ADGRB2: variants seen among roughly 807,000 people sequenced by gnomAD.
ADGRB2 encodes the protein adhesion G protein-coupled receptor B2.
In ADGRB2, 47 loss-of-function variants were observed where a neutral mutation model predicts 178.7. The observed-to-expected ratio is 0.26, with a 90% CI of 0.21 to 0.34. The LOEUF is 0.34. ADGRB2 is among the 10% of genes least tolerant of loss of function. ADGRB2 has a pLI of 1.00. For missense variants in ADGRB2, 1,584 were observed against 2,180.8 expected (o/e 0.73, Z 5.45); for synonymous variants, 870 against 912.4 (o/e 0.95, Z 0.84).
Position 31,739,444 on chromosome 1 carries a change from T to C in ADGRB2, c.2359A>G (p.Arg787Gly). The C allele has an allele frequency of 1.9e-6, 3 of 1,593,674 alleles. No homozygotes were observed. Among genetic ancestry groups the C allele is most frequent in the Non-Finnish European group, 2.6e-6 (3 of 1,170,582 alleles). ...CCAGGAGGCACCGTTCCTGGGCCCCTCCCCCTGCCAGGGCTGCCTGCTGCC... is the reference window on the plus strand; with the variant it reads ...CCAGGAGGCACCGTTCCTGGGCCCCCCCCCCTGCCAGGGCTGCCTGCTGCC... ...SGAAGSPGRG[R>G]GPGTVPPGPG... is the part of the protein sequence containing the mutation. Residue 787 changes from arginine (R) to glycine (G), a missense_variant, in exon 15 of 33, where the codon AGG (arginine) becomes GGG (glycine). By Grantham distance (125) the Arg-to-Gly change is moderately radical. Transcript: ENST00000373658.
In ADGRB2 at chr1:31,756,889, C is replaced by T. The variant is rs1041929797; in HGVS notation, c.22-74G>A. 3 of 1,368,684 alleles carry T rather than the reference C, an allele frequency of 2.2e-6. No individual in the cohort carries two copies. The highest frequency in any genetic ancestry group is 2.5e-5 in the East Asian group (1 of 39,742). The allele number at this position is 1,368,684 out of a possible 1,614,324, so 84.8% of individuals were successfully genotyped here. On this transcript the variant is annotated intron_variant, in intron 3 of 32. Transcript: ENST00000373658. This position sits in a 1 kb window ranked among gnomAD's most constrained non-coding sequence, Gnocchi z 8.5. ...GCTCTGAACCTTCTATGGTGAGCTG[C>T]GGGAGTGGGCCTCATAAGTTAAGAC...
At position 31,756,534 on chromosome 1, in the gene ADGRB2, G is replaced by A; in HGVS notation, c.303C>T (p.Asp101=). ...GGCAGGTAAAGTTGACCAGGTAGTG[G>A]TCCAGGGGCAGCAGGCGGGGGGCAA... The part of the protein sequence containing the change: ...AHFAPRLLPL[D]HYLVNFTCLR... The change falls in exon 4 of 33, where the codon GAC becomes GAT. Residue 101 remains aspartate, a synonymous_variant. Coordinates refer to ENST00000373658, the MANE Select transcript of ADGRB2 (RefSeq NM_001364857.2). This position sits in a 1 kb window ranked among gnomAD's most constrained non-coding sequence, Gnocchi z 8.5. 10 of 1,613,390 alleles carry A rather than the reference G, an allele frequency of 6.2e-6. No individual in the cohort carries two copies. Among genetic ancestry groups the A allele is most frequent in the Non-Finnish European group, 8.5e-6 (10 of 1,179,708 alleles).
In ADGRB2 at chr1:31,759,556, C is replaced by T; in HGVS notation, c.-190-2045G>A. On this transcript the variant is annotated intron_variant, in intron 1 of 32. Transcript: ENST00000373658. This position sits in a 1 kb window ranked among gnomAD's most constrained non-coding sequence, Gnocchi z 4.3. ...CTTTTAACCCAATCCAACCCCCCTCCTCCCCTCAGTCTCCTTCAGACACCT... is the reference window on the plus strand; with the variant it reads ...CTTTTAACCCAATCCAACCCCCCTCTTCCCCTCAGTCTCCTTCAGACACCT... 2 of 601,992 alleles carry T rather than the reference C, an allele frequency of 3.3e-6. No homozygotes were observed. The highest frequency in any genetic ancestry group is 5.5e-5 in the East Asian group (2 of 36,210). The allele number at this position is 601,992 out of a possible 1,614,324, so 37.3% of individuals were successfully genotyped here.
chr1:31,737,515 G>A lies in ADGRB2; in HGVS notation c.2893C>T (p.Arg965Cys), dbSNP rs1645680635. Residue 965 changes from arginine (R) to cysteine (C), a missense_variant, in exon 20 of 33, where the codon CGC becomes TGC. Transcript: ENST00000373658. ...CAGAAGTTCAGCAAGATGATGGAGC[G>A]TTCAGATTTTATGAACCTGCCGGGG... ...AAFWRFIKSE[R>C]SIILLNFCLS... The A allele has an allele frequency of 1.2e-6, 2 of 1,614,126 alleles. No individual in the cohort carries two copies. Among genetic ancestry groups the A allele is most frequent in the Non-Finnish European group, 1.7e-6 (2 of 1,180,008 alleles).
intron 4 of ADGRB2, among the ~76,000 whole-genome samples, chr1:31,746,368 C>T (rs982045213): frequency 9.2e-5 from 14 of 152,262 alleles, no homozygotes; most frequent in Admixed American, 2.6e-4. Context: ...TCCACTTGGC[C>T]CCTGCCTCTC....
rs1646802711 is a variant in ADGRB2, at chr1:31,755,845, T to C, written c.838+154A>G. ...CTTCAAGAGTGAGGTCTCACTGCCA[T>C]GCATTTTGGTGACCGCAACATTTGG... On this transcript the variant is annotated intron_variant, in intron 4 of 32. Transcript: ENST00000373658. The surrounding 1 kb of genome is among the most constrained non-coding windows in gnomAD (Gnocchi z 5.1). Among the ~76,000 whole-genome samples the C allele has an allele frequency of 6.6e-6, 1 of 152,092 alleles. No homozygotes were observed. Among genetic ancestry groups the C allele is most frequent in the African/African-American group, 2.4e-5 (1 of 41,408 alleles).
Position 31,732,576 on chromosome 1 carries a change from G to T in ADGRB2, c.3661C>A (p.Arg1221=). 1 of 1,614,106 alleles carries T rather than the reference G, an allele frequency of 6.2e-7. No homozygotes were observed. The highest frequency in any genetic ancestry group is 8.5e-7 in the Non-Finnish European group (1 of 1,180,026). The stretch of plus-strand genomic sequence containing the variant: ...GGGGAGTCTTCGCTCTCATCAGCCC[G>T]GCACACCCCCATCTGGCACTTCACC... ...DVVKCQMGVC[R]ADESEDSPDS... Residue 1221 remains arginine (R), a synonymous_variant, in exon 27 of 33, where the codon CGG becomes AGG. Transcript: ENST00000373658.
In ADGRB2 at chr1:31,730,948, G is replaced by A. The variant is rs145273184; in HGVS notation, c.4232C>T (p.Ala1411Val). 1.1e-4 allele frequency: 175 copies of A among 1,569,810 alleles called. No individual in the cohort carries two copies. Among genetic ancestry groups the A allele is most frequent in the Non-Finnish European group, 1.5e-4 (169 of 1,156,096 alleles). The change falls in exon 29 of 33, where the codon GCC becomes GTC. Residue 1411 changes from alanine (A) to valine (V), a missense_variant. Transcript: ENST00000373658. ...VDHSGLGLGP[A>V]YGSLQNPYGM... ...ATAGGGATTCTGGAGAGATCCATAG[G>A]CAGGGCCCAGCCCCAGGCCCGAGTG...
chr1:31,732,685 C>T, intron 26 of ADGRB2, 73 bp from the exon 27 acceptor site: 1 of 1,504,440 alleles, frequency 6.6e-7, no homozygotes, highest in South Asian at 1.2e-5. Flanking sequence ...GTGCTTCCCA[C>T]CCCAGATGCC....
intron 27 of ADGRB2, 129 bp downstream of exon 27, chr1:31,732,388 G>A (rs1415773386): frequency 1.2e-5 from 15 of 1,240,394 alleles, no homozygotes; most frequent in Non-Finnish European, 1.5e-5. Context: ...GTTAGTGGCT[G>A]AGCCTGAATC....
In ADGRB2 at chr1:31,742,235, AG is replaced by A; in HGVS notation, c.1253-19del. On this transcript the variant is annotated intron_variant, in intron 7 of 32. Transcript: ENST00000373658. ...GCCTTCCACTGCATGGGGAGACACA[AG>A]CAGGGGTGGCTGTTGAGCAGGATGT... 1 of 1,579,390 alleles carries A rather than the reference AG, an allele frequency of 6.3e-7. No homozygotes were observed. Among genetic ancestry groups the A allele is most frequent in the East Asian group, 2.3e-5 (1 of 44,318 alleles).
At chr1:31,757,587 G>T in intron 1 of ADGRB2, 76 bp from the exon 2 acceptor site, 1 of 232,292 alleles carries the variant, frequency 4.3e-6, no homozygotes, top group Non-Finnish European at 7.4e-6. Flanking sequence ...GCCACCTGCT[G>T]GTGGGTGACC....
chr1:31,736,419 T>C lies in ADGRB2; in HGVS notation c.3131-29A>G, dbSNP rs547354487. The C allele has an allele frequency of 1.3e-5, 21 of 1,612,882 alleles. 1 individual carries two copies. The South Asian group carries it at 1.8e-4, about 14-fold the overall frequency. Reference sequence around the variant, plus strand: ...GGGGAGCAGGGGTGCCAGAGTGAGATGGTTGCTGGTCTTCAGGGACCCCTT... The same window carrying C: ...GGGGAGCAGGGGTGCCAGAGTGAGACGGTTGCTGGTCTTCAGGGACCCCTT... On this transcript the variant is annotated intron_variant, in intron 21 of 32. Coordinates refer to ENST00000373658, the MANE Select transcript of ADGRB2 (RefSeq NM_001364857.2).
In ADGRB2 at chr1:31,728,169, G is replaced by T; in HGVS notation, c.4515+13C>A. ...AGCTTCAGGGCAGGGGCAGCCACGG[G>T]AGGAGCCCTCACCTTGGCCGTGGAC... On this transcript the variant is annotated intron_variant, in intron 31 of 32. Coordinates refer to ENST00000373658, the MANE Select transcript of ADGRB2 (RefSeq NM_001364857.2). The surrounding 1 kb of genome is among the most constrained non-coding windows in gnomAD (Gnocchi z 6.7). 1 of 1,614,080 alleles carries T rather than the reference G, an allele frequency of 6.2e-7. No individual in the cohort carries two copies. Among genetic ancestry groups the T allele is most frequent in the Non-Finnish European group, 8.5e-7 (1 of 1,180,012 alleles).
chr1:31,759,272 C>T lies in ADGRB2; in HGVS notation c.-190-1761G>A, dbSNP rs1208922153. 1.3e-6 allele frequency: 1 copy of T among 779,338 alleles called. No homozygotes were observed. Among genetic ancestry groups the T allele is most frequent in the African/African-American group, 1.7e-5 (1 of 59,132 alleles). The allele number at this position is 779,338 out of a possible 1,614,324, so 48.3% of individuals were successfully genotyped here. A position where few individuals can be genotyped will look rare whatever the true frequency, so the allele number is the denominator to read the frequency against. ...ACACACAGGGGTGTAGAGGCTTACACTTGTACACATGCACAGAGGTGCACA... is the reference window on the plus strand; with the variant it reads ...ACACACAGGGGTGTAGAGGCTTACATTTGTACACATGCACAGAGGTGCACA... On this transcript the variant is annotated intron_variant, in intron 1 of 32. Coordinates refer to ENST00000373658, the MANE Select transcript of ADGRB2 (RefSeq NM_001364857.2). The surrounding 1 kb of genome is among the most constrained non-coding windows in gnomAD (Gnocchi z 4.3).
At chr1:31,732,367 G>A (rs557452197) in intron 27 of ADGRB2, 150 bp downstream of exon 27, 2 of 1,143,376 alleles carry the variant, frequency 1.7e-6, no homozygotes, top group East Asian at 2.5e-5. Context: ...CTTGCCCAAT[G>A]CCACCCAGGT....
Position 31,727,468 on chromosome 1 carries a change from G to A in ADGRB2, c.4710C>T (p.Ala1570=). The A allele has an allele frequency of 6.3e-7, 1 of 1,591,060 alleles. No individual in the cohort carries two copies. The highest frequency in any genetic ancestry group is 1.1e-5 in the South Asian group (1 of 87,392). The change falls in exon 33 of 33, where the codon GCC becomes GCT. Residue 1570 remains alanine, a synonymous_variant. Transcript: ENST00000373658. The surrounding 1 kb of genome is among the most constrained non-coding windows in gnomAD (Gnocchi z 4.4). The part of the protein sequence containing the change: ...RERLTLHRAA[A]WEPTEPPDGD... ...CATCCGGTGGTTCTGTGGGCTCCCA[G>A]GCTGCTGCCCGGTGCAGAGTCAGCC...
rs76944109 is a variant in ADGRB2, at chr1:31,740,714, T to G, written c.1795-173A>C. Among the ~76,000 whole-genome samples the G allele has an allele frequency of 1.3e-3, 193 of 151,604 alleles. No individual in the cohort carries two copies. The highest frequency in any genetic ancestry group is 3.6e-3 in the African/African-American group (149 of 41,278). On this transcript the variant is annotated intron_variant, in intron 11 of 32. Coordinates refer to ENST00000373658, the MANE Select transcript of ADGRB2 (RefSeq NM_001364857.2). The surrounding 1 kb of genome is among the most constrained non-coding windows in gnomAD (Gnocchi z 5.9). ...AGACAGAGTCCGAGAAAGAGACTCA[T>G]AGAGAGAGAGAGAATCCCAAAGGGT...
Position 31,756,012 on chromosome 1 carries a change from G to A in ADGRB2, c.825C>T (p.Thr275=), listed in dbSNP as rs141454699. The change falls in exon 4 of 33, where the codon ACC becomes ACT. Residue 275 remains threonine, a synonymous_variant. Transcript: ENST00000373658. This position sits in a 1 kb window ranked among gnomAD's most constrained non-coding sequence, Gnocchi z 8.5. The stretch of plus-strand genomic sequence containing the variant: ...GCTGAGACTCACCATATCTCATCTC[G>A]GTTGTGAACAGATCATTGCTGCTCC... ...HSGSSNDLFT[T]EMRYGEEPEE... 10 of 1,608,856 alleles carry A rather than the reference G, an allele frequency of 6.2e-6. No individual in the cohort carries two copies. The highest frequency in any genetic ancestry group is 3.3e-5 in the Admixed American group (2 of 59,876).
Sources: gnomAD v4.1 joint callset for allele counts (sites outside exome capture counted in the v4.1 genomes callset) on GRCh38, gnomAD v4.1.1 for gene constraint, Gnocchi (gnomAD v3.1) non-coding constraint, MANE v1.5 for transcripts, NCBI Gene and HGNC (gene_info 2026-07-23, HGNC 2026-07-21) for gene names.